Variants in CDH18 observed in about 807,000 individuals in gnomAD.
CDH18 encodes the protein cadherin-18.
Under a neutral mutation model 67.9 loss-of-function variants are expected in CDH18, and 31 were observed. The observed-to-expected ratio is 0.46, with a 90% CI of 0.34 to 0.62. The LOEUF (loss-of-function observed/expected upper bound fraction) is 0.62. CDH18 is among the 20% of genes least tolerant of loss of function. The pLI, the probability that CDH18 is intolerant of heterozygous loss-of-function variation, is 0.01. For missense variants in CDH18, 890 were observed against 975.5 expected (o/e 0.91, Z 1.17); for synonymous variants, 362 against 347.2 (o/e 1.04, Z -0.48).
chr5:20,278,747 G>A (rs950090958), intron 1 of CDH18, among the ~76,000 whole-genome samples: 6 of 151,950 alleles, frequency 3.9e-5, no homozygotes, highest in Non-Finnish European at 5.9e-5. Context: ...CAAGTACAGA[G>A]TTTTTATTTA....
At chr5:19,650,600 G>A (rs777677631) in intron 5 of CDH18, among the ~76,000 whole-genome samples, 9 of 152,022 alleles carry the variant, frequency 5.9e-5, no homozygotes, top group Non-Finnish European at 1.2e-4. Flanking sequence ...ACAAGCAAGC[G>A]AAGCATATTT....
At chr5:20,558,045 T>G (rs181485558) in intron 1 of CDH18, among the ~76,000 whole-genome samples, 2 of 148,262 alleles carry the variant, frequency 1.3e-5, no homozygotes, top group Non-Finnish European at 3.0e-5. Flanking sequence ...ATAACATTAA[T>G]TGTTATATAA....
At chr5:19,605,903 G>GA (rs1056155818) in intron 6 of CDH18, among the ~76,000 whole-genome samples, 1 of 151,872 alleles carries the variant, frequency 6.6e-6, no homozygotes, top group Non-Finnish European at 1.5e-5. Context: ...GGTAAGTGAG[G>GA]AAAAAAACAA....
Position 19,471,317 on chromosome 5 carries a change from C to T in CDH18, c.*1909G>A. 6.6e-6 allele frequency among the ~76,000 whole-genome samples: 1 copy of T among 152,098 alleles called. No individual in the cohort carries two copies. The highest frequency in any genetic ancestry group is 1.5e-5 in the Non-Finnish European group (1 of 68,010). On this transcript the variant is annotated 3_prime_UTR_variant, in exon 13 of 13. Coordinates refer to ENST00000382275, the MANE Select transcript of CDH18 (RefSeq NM_004934.5). Reference sequence around the variant, plus strand: ...AAAATGTCGTAAAAAGCTTAAATTACATTTTATTCCTCAGGCTTAAAACAC... The same window carrying T: ...AAAATGTCGTAAAAAGCTTAAATTATATTTTATTCCTCAGGCTTAAAACAC...
At chr5:19,602,474 C>T (rs1363102702) in intron 6 of CDH18, among the ~76,000 whole-genome samples, 1 of 151,898 alleles carries the variant, frequency 6.6e-6, no homozygotes, top group African/African-American at 2.4e-5. Context: ...CACACACACA[C>T]ACACAATCCA....
At chr5:20,201,659 G>A (rs1739458437) in intron 2 of CDH18, among the ~76,000 whole-genome samples, 1 of 152,006 alleles carries the variant, frequency 6.6e-6, no homozygotes, top group Admixed American at 6.6e-5. Flanking sequence ...TATAATACAT[G>A]AATAAAAGAA....
chr5:19,524,266 T>C lies in CDH18; in HGVS notation c.1391-3488A>G, dbSNP rs1026159183. On this transcript the variant is annotated intron_variant, in intron 9 of 12. Transcript: ENST00000382275. Reference sequence around the variant, plus strand: ...TTGGCATAGTTAATAACTGATTATCTACTTATAGTAAAAGATAATATGATG... The same window carrying C: ...TTGGCATAGTTAATAACTGATTATCCACTTATAGTAAAAGATAATATGATG... Among the ~76,000 whole-genome samples the C allele has an allele frequency of 2.1e-4, 31 of 150,242 alleles. 1 individual carries two copies. The highest frequency in any genetic ancestry group is 1.7e-3 in the Admixed American group (26 of 15,004).
chr5:19,634,509 C>A (rs1475783134), intron 5 of CDH18, among the ~76,000 whole-genome samples: 2 of 152,150 alleles, frequency 1.3e-5, no homozygotes, highest in African/African-American at 4.8e-5. Flanking sequence ...ATGCAAAGCA[C>A]ATAAAAAACT....
At chr5:19,685,376 T>G (rs192937110) in intron 5 of CDH18, among the ~76,000 whole-genome samples, 1 of 152,156 alleles carries the variant, frequency 6.6e-6, no homozygotes, top group Non-Finnish European at 1.5e-5. Flanking sequence ...CTACACAATC[T>G]GGGACACATT....
At chr5:19,535,929 A>C (rs1388558867) in intron 9 of CDH18, among the ~76,000 whole-genome samples, 1 of 152,188 alleles carries the variant, frequency 6.6e-6, no homozygotes, top group East Asian at 1.9e-4. Flanking sequence ...AGGTCAAAGA[A>C]ATTTTTACAT....
At chr5:19,493,170 T>C (rs1232432429) in intron 11 of CDH18, among the ~76,000 whole-genome samples, 3 of 152,202 alleles carry the variant, frequency 2.0e-5, no homozygotes, top group Non-Finnish European at 2.9e-5. Context: ...ATACAATTTG[T>C]AGTGATCTCT....
chr5:20,527,330 AAC>A (rs1315887231), intron 1 of CDH18, among the ~76,000 whole-genome samples: 7 of 152,116 alleles, frequency 4.6e-5, no homozygotes, highest in African/African-American at 1.7e-4. Flanking sequence ...CGAGATGGAA[AAC>A]ACACTAGAGA....
chr5:19,699,664 G>GTA lies in CDH18; in HGVS notation c.643+21682_643+21683insTA, dbSNP rs530104843. ...TGTCTGTGTGTGTGTGTGTGTGTGT[G>GTA]TTTCTATCTCTTCATCTCTCTCTCT... is the stretch of plus-strand genomic sequence containing the variant. On this transcript the variant is annotated intron_variant, in intron 5 of 12. Coordinates refer to ENST00000382275, the MANE Select transcript of CDH18 (RefSeq NM_004934.5). Among the ~76,000 whole-genome samples the GTA allele has an allele frequency of 2.8e-3, 426 of 151,590 alleles. 2 individuals are homozygous for GTA. The highest frequency in any genetic ancestry group is 4.7e-3 in the Non-Finnish European group (321 of 67,788).
intron 2 of CDH18, among the ~76,000 whole-genome samples, chr5:19,839,792 A>C (rs1357156758): frequency 6.6e-6 from 1 of 152,042 alleles, no homozygotes; most frequent in African/African-American, 2.4e-5. Flanking sequence ...CTGCATATCT[A>C]CCCCGGGTAT....
chr5:19,964,628 G>C (rs1368833942), intron 2 of CDH18, among the ~76,000 whole-genome samples: 1 of 146,808 alleles, frequency 6.8e-6, no homozygotes, highest in East Asian at 2.0e-4. Flanking sequence ...AGCCTGGATG[G>C]CAGGGCAAGG....
chr5:20,018,776 G>C (rs1048273592), intron 2 of CDH18, among the ~76,000 whole-genome samples: 1 of 151,518 alleles, frequency 6.6e-6, no homozygotes, highest in Non-Finnish European at 1.5e-5. Context: ...ACCCTTAAGA[G>C]AGTTCTCTGA....
intron 10 of CDH18, among the ~76,000 whole-genome samples, chr5:19,508,414 C>T (rs1487140885): frequency 6.6e-6 from 1 of 151,894 alleles, no homozygotes; most frequent in Non-Finnish European, 1.5e-5. Context: ...ATATAAAATC[C>T]CTAAGAATAT....
intron 2 of CDH18, among the ~76,000 whole-genome samples, chr5:20,078,656 G>T (rs540819240): frequency 6.6e-6 from 1 of 151,526 alleles, no homozygotes; most frequent in African/African-American, 2.4e-5. Context: ...GCTGGAGTGC[G>T]GTGGCTCACC....
At chr5:20,478,108 A>T (rs1303713334) in intron 1 of CDH18, among the ~76,000 whole-genome samples, 1 of 152,180 alleles carries the variant, frequency 6.6e-6, no homozygotes, top group Non-Finnish European at 1.5e-5. Context: ...GTATCTAGGC[A>T]GTTCTCATTG....
Sources: allele counts gnomAD v4.1 joint callset (sites outside exome capture counted in the v4.1 genomes callset), GRCh38; gene constraint gnomAD v4.1.1; transcripts MANE v1.5; gene names NCBI Gene and HGNC (gene_info 2026-07-23, HGNC 2026-07-21).